SOX5: variants seen among roughly 807,000 people sequenced by gnomAD.
The protein encoded by SOX5 is transcription factor SOX-5.
SOX5 carries 9 observed loss-of-function variants against 92.0 expected under a neutral mutation model. That is an observed-to-expected ratio of 0.10 (90% confidence interval 0.06 to 0.17). The LOEUF is 0.17. Among genes scored for constraint, SOX5 ranks in the 10% least tolerant of loss-of-function variants. The pLI is 1.00. For synonymous variants in SOX5, 344 were observed against 336.3 expected (o/e 1.02, Z -0.25); for missense variants, 642 against 944.5 (o/e 0.68, Z 4.20).
rs146841433 is a variant in SOX5 at position 23,681,648 on chromosome 12, T to C, written c.811-16084A>G. 6.6e-3 allele frequency among the ~76,000 whole-genome samples: 997 copies of C among 151,914 alleles called. 10 individuals carry two copies. Among genetic ancestry groups the C allele is most frequent in the Non-Finnish European group, 6.8e-3 (462 of 67,768 alleles). On this transcript the variant is annotated intron_variant, in intron 6 of 14. Transcript: ENST00000451604. Reference sequence around the variant, plus strand: ...TTAACACACAAAGCATAATTGTGGATACGGAGCTTCTATTATAAGTTATAA... The same window carrying C: ...TTAACACACAAAGCATAATTGTGGACACGGAGCTTCTATTATAAGTTATAA...
intron 3 of SOX5, among the ~76,000 whole-genome samples, chr12:23,819,758 C>A (rs138765217): frequency 1.2e-3 from 187 of 152,242 alleles, no homozygotes; most frequent in Middle Eastern, 0.01. Flanking sequence ...GACATGAACT[C>A]ATTTTTCTTT....
At chr12:23,907,787 C>G (rs1376846115) in intron 1 of SOX5, among the ~76,000 whole-genome samples, 2 of 151,900 alleles carry the variant, frequency 1.3e-5, no homozygotes, top group African/African-American at 2.4e-5. Flanking sequence ...AATATCTATT[C>G]AGGCTTTATA....
At chr12:23,725,715 G>A (rs536175967) in intron 6 of SOX5, among the ~76,000 whole-genome samples, 51 of 152,296 alleles carry the variant, frequency 3.3e-4, no homozygotes, top group African/African-American at 1.1e-3. Context: ...GACAGTAAGT[G>A]TAGATACGGA....
intron 7 of SOX5, among the ~76,000 whole-genome samples, chr12:23,664,471 C>T (rs1301413410): frequency 6.6e-6 from 1 of 151,988 alleles, no homozygotes; most frequent in African/African-American, 2.4e-5. Context: ...TATTTTCCTT[C>T]TGGCCATGGT....
chr12:24,044,439 T>A (rs1273723073), intron 4 of SOX5, among the ~76,000 whole-genome samples: 1 of 152,206 alleles, frequency 6.6e-6, no homozygotes, highest in Non-Finnish European at 1.5e-5. Flanking sequence ...GAATTAAGAC[T>A]TTTATGCTTC....
chr12:23,962,384 G>A (rs993319529), intron 4 of SOX5, among the ~76,000 whole-genome samples: 2 of 152,020 alleles, frequency 1.3e-5, no homozygotes, highest in African/African-American at 2.4e-5. Flanking sequence ...CAAACACACA[G>A]ACGCAGGTAC....
intron 1 of SOX5, among the ~76,000 whole-genome samples, chr12:23,911,356 A>G (rs1176214676): frequency 6.6e-6 from 1 of 152,090 alleles, no homozygotes; most frequent in Non-Finnish European, 1.5e-5. Flanking sequence ...GATATTAATT[A>G]AAATGATCAT....
intron 4 of SOX5, among the ~76,000 whole-genome samples, chr12:24,053,422 G>A (rs1044942048): frequency 5.9e-5 from 9 of 151,918 alleles, no homozygotes; most frequent in African/African-American, 2.2e-4. Context: ...GAGCTACCGC[G>A]CCTGGCCCCG....
chr12:23,697,619 C>A (rs894026620), intron 6 of SOX5, among the ~76,000 whole-genome samples: 9 of 152,150 alleles, frequency 5.9e-5, no homozygotes, highest in Non-Finnish European at 1.0e-4. Flanking sequence ...GGTGCTATGG[C>A]AGCTCACAGC....
intron 1 of SOX5, among the ~76,000 whole-genome samples, chr12:24,371,299 T>C (rs946500568): frequency 6.6e-6 from 1 of 152,204 alleles, no homozygotes; most frequent in South Asian, 2.1e-4. Context: ...TACAAAGAGC[T>C]GAATTCTGCC....
In SOX5 at chr12:23,533,303, G is replaced by GTCTC. The variant is rs148266789; in HGVS notation, c.*912_*915dup. ...AAATATTTTTCTCTAAATTTCTTAT[G>GTCTC]TCTCTCTCTCTCTCTCTCTTTTCAC... On this transcript the variant is annotated 3_prime_UTR_variant, in exon 15 of 15. Coordinates refer to ENST00000451604, the MANE Select transcript of SOX5 (RefSeq NM_006940.6). 18 of 364,886 alleles carry GTCTC rather than the reference G, an allele frequency of 4.9e-5. No individual in the cohort carries two copies. Among genetic ancestry groups the GTCTC allele is most frequent in the East Asian group, 4.1e-4 (5 of 12,322 alleles). 22.6% of individuals were successfully genotyped at this position (364,886 alleles called of 1,614,324 possible). A position where few individuals can be genotyped will look rare whatever the true frequency, so the allele number is the denominator to read the frequency against.
intron 3 of SOX5, among the ~76,000 whole-genome samples, chr12:24,226,405 A>G (rs1961983446): frequency 6.6e-6 from 1 of 152,130 alleles, no homozygotes; most frequent in South Asian, 2.1e-4. Flanking sequence ...TAAAATTTCC[A>G]CCTAAGAATC....
chr12:24,219,421 A>G (rs1424004497), intron 3 of SOX5, among the ~76,000 whole-genome samples: 2 of 152,108 alleles, frequency 1.3e-5, no homozygotes, highest in Non-Finnish European at 2.9e-5. Flanking sequence ...CATGTGCCTT[A>G]AAAACATATA....
chr12:23,891,539 C>T (rs2097129552), intron 2 of SOX5, among the ~76,000 whole-genome samples: 1 of 152,184 alleles, frequency 6.6e-6, no homozygotes, highest in African/African-American at 2.4e-5. Flanking sequence ...TACCTCCCAG[C>T]ATCTCTCTTC....
At chr12:23,570,963 ATATATATATATATATATATATT>A (rs1735428465) in intron 10 of SOX5, among the ~76,000 whole-genome samples, 4 of 74,302 alleles carry the variant, frequency 5.4e-5, no homozygotes, top group Non-Finnish European at 8.9e-5. Flanking sequence ...ATATATATAT[ATATATATATATATATATATATT>A]TTCATATTTT....
intron 1 of SOX5, among the ~76,000 whole-genome samples, chr12:23,943,516 T>C (rs1569171888): frequency 6.6e-6 from 1 of 152,132 alleles, no homozygotes; most frequent in Non-Finnish European, 1.5e-5. Flanking sequence ...GATACATTTA[T>C]ACGCTGCTGT....
chr12:24,281,068 C>A (rs1211254982), intron 2 of SOX5, among the ~76,000 whole-genome samples: 1 of 150,296 alleles, frequency 6.7e-6, no homozygotes, highest in African/African-American at 2.4e-5. Context: ...GAAAATATCA[C>A]CTGACTTACT....
chr12:23,794,955 T>G (rs2142030329), intron 3 of SOX5, among the ~76,000 whole-genome samples: 1 of 152,234 alleles, frequency 6.6e-6, no homozygotes, highest in Admixed American at 6.6e-5. Flanking sequence ...GCTAATATAT[T>G]AAAAATTTAA....
rs1938737925 is a variant in SOX5 at position 23,530,495 on chromosome 12, C to CGAT, written c.*3721_*3723dup. On this transcript the variant is annotated 3_prime_UTR_variant, in exon 15 of 15. Coordinates refer to ENST00000451604, the MANE Select transcript of SOX5 (RefSeq NM_006940.6). ...TCTTTATAAGAGGATTTGGTTCTAA[C>CGAT]GATGATTATGTTCTTTGGGAGGGAT... is the stretch of plus-strand genomic sequence containing the variant. 6.6e-6 allele frequency: 1 copy of CGAT among 151,796 alleles called. No individual in the cohort carries two copies. The highest frequency in any genetic ancestry group is 6.6e-5 in the Admixed American group (1 of 15,260). 9.4% of individuals were successfully genotyped at this position (151,796 alleles called of 1,614,324 possible).
Sources: allele counts gnomAD v4.1 joint callset (sites outside exome capture counted in the v4.1 genomes callset), GRCh38; gene constraint gnomAD v4.1.1; transcripts MANE v1.5; gene names NCBI Gene and HGNC (gene_info 2026-07-23, HGNC 2026-07-21).